The following SRGAP2C variants were observed in gnomAD, a reference collection of about 807,000 sequenced individuals.
SRGAP2C encodes SLIT-ROBO Rho GTPase-activating protein 2C.
SRGAP2C carries 15 observed loss-of-function variants against 25.1 expected under a neutral mutation model. That is an observed-to-expected ratio of 0.60 (90% CI 0.40 to 0.92). The LOEUF (loss-of-function observed/expected upper bound fraction) is 0.92, where lower values mean the gene tolerates loss of function less well. SRGAP2C is among the 40% of genes least tolerant of loss of function. The pLI is 0.00. For missense variants in SRGAP2C, 144 were observed against 264.4 expected (o/e 0.54, Z 3.16); for synonymous variants, 44 against 96.6 (o/e 0.46, Z 3.19).
chr1:121,218,772 ACACGTATT>A (rs1553325205), intron 2 of SRGAP2C, among the ~76,000 whole-genome samples: 1 of 152,102 alleles, frequency 6.6e-6, no homozygotes, highest in East Asian at 1.9e-4. Flanking sequence ...AAGTGAATGT[ACACGTATT>A]CACAAATCTT....
chr1:121,217,295 CAATTT>C lies in SRGAP2C; in HGVS notation c.67+29788_67+29792del, dbSNP rs1342012780. On this transcript the variant is annotated intron_variant, in intron 2 of 9. Transcript: ENST00000367123. ...CATTTGGGTACCATTCTGTAGGAAT[CAATTT>C]AATTTTCAGGGGAAAAAAAGTGTTC... Among the ~76,000 whole-genome samples the C allele has an allele frequency of 2.1e-5, 3 of 140,826 alleles. No homozygotes were observed. In the East Asian group the frequency reaches 6.3e-4, roughly 29 times the overall value. 92.4% of individuals were successfully genotyped at this position (140,826 alleles called of 152,430 possible). A position where few individuals can be genotyped will look rare whatever the true frequency, so the allele number is the denominator to read the frequency against.
chr1:121,384,751 G>A (rs587685029), intron 8 of SRGAP2C, among the ~76,000 whole-genome samples: 124 of 150,602 alleles, frequency 8.2e-4, no homozygotes, highest in Admixed American at 1.9e-3. Context: ...CCCTGTCAGA[G>A]CCTTATTTCC....
chr1:121,258,551 T>C (rs1341996704), intron 2 of SRGAP2C, among the ~76,000 whole-genome samples: 1 of 151,208 alleles, frequency 6.6e-6, no homozygotes, highest in African/African-American at 2.4e-5. Flanking sequence ...CGGCAACCTC[T>C]GCCTCCTGGG....
At chr1:121,339,044 A>G (rs1658585138) in intron 4 of SRGAP2C, among the ~76,000 whole-genome samples, 1 of 151,832 alleles carries the variant, frequency 6.6e-6, no homozygotes, top group South Asian at 2.1e-4. Context: ...ATTTCCTTCC[A>G]ATCTTTTTTA....
chr1:121,303,570 GC>G (rs1657746944), intron 3 of SRGAP2C, among the ~76,000 whole-genome samples: 3 of 150,116 alleles, frequency 2.0e-5, no homozygotes, highest in Admixed American at 2.0e-4. Context: ...GTATTTAGAA[GC>G]CATGGATGCT....
chr1:121,289,477 C>G (rs1553337366), intron 3 of SRGAP2C, among the ~76,000 whole-genome samples: 65 of 147,812 alleles, frequency 4.4e-4, no homozygotes, highest in African/African-American at 1.5e-3. Flanking sequence ...GGTTCCCGCT[C>G]GTGCCTCTCC....
intron 2 of SRGAP2C, among the ~76,000 whole-genome samples, chr1:121,188,420 G>A (rs1446037961): frequency 6.6e-6 from 1 of 150,620 alleles, no homozygotes; most frequent in Non-Finnish European, 1.5e-5. Flanking sequence ...CCATAGGAAG[G>A]GTTCCTGCCT....
chr1:121,270,460 C>T (rs1344614131), intron 2 of SRGAP2C, among the ~76,000 whole-genome samples: 7 of 121,760 alleles, frequency 5.7e-5, no homozygotes, highest in South Asian at 5.6e-4. Flanking sequence ...ATATTATGGG[C>T]CTTTTCTATT....
intron 2 of SRGAP2C, among the ~76,000 whole-genome samples, chr1:121,221,710 CAAAA>C (rs782207301): frequency 9.2e-5 from 2 of 21,630 alleles, no homozygotes; most frequent in African/African-American, 2.7e-4. Flanking sequence ...GACAACGTCT[CAAAA>C]AAAAAAAAAA....
intron 2 of SRGAP2C, among the ~76,000 whole-genome samples, chr1:121,206,498 T>C (rs1353811360): frequency 6.6e-6 from 1 of 152,040 alleles, no homozygotes; most frequent in African/African-American, 2.4e-5. Flanking sequence ...TGAAGAGTGA[T>C]GAAGTGTGAT....
chr1:121,367,873 G>C (rs1207575905), intron 5 of SRGAP2C, among the ~76,000 whole-genome samples: 8 of 142,572 alleles, frequency 5.6e-5, no homozygotes, highest in Non-Finnish European at 9.1e-5. Context: ...AGGAGATCGA[G>C]ACCATCCTGG....
intron 2 of SRGAP2C, among the ~76,000 whole-genome samples, chr1:121,207,261 A>G (rs587750210): frequency 6.6e-6 from 1 of 152,326 alleles, no homozygotes; most frequent in East Asian, 1.9e-4. Flanking sequence ...GCAGGAATTA[A>G]TAGCATTTTC....
chr1:121,335,383 TAAATAAAA>T (rs1326299843), intron 4 of SRGAP2C, among the ~76,000 whole-genome samples: 9 of 131,910 alleles, frequency 6.8e-5, no homozygotes, highest in Non-Finnish European at 1.3e-4. Context: ...AATAAATAAA[TAAATAAAA>T]CAACCAATTC....
chr1:121,303,543 G>T (rs1314225721), intron 3 of SRGAP2C, among the ~76,000 whole-genome samples: 1 of 150,894 alleles, frequency 6.6e-6, no homozygotes. Context: ...AGCCTCGGTT[G>T]CTTTTAGTGG....
Position 121,193,667 on chromosome 1 carries a change from C to CTTTT in SRGAP2C, c.67+6172_67+6175dup, listed in dbSNP as rs60707143. 1.8e-3 allele frequency among the ~76,000 whole-genome samples: 36 copies of CTTTT among 19,712 alleles called. 4 individuals are homozygous for CTTTT. Among genetic ancestry groups the CTTTT allele is most frequent in the South Asian group, 2.6e-3 (2 of 776 alleles). 12.9% of individuals were successfully genotyped at this position (19,712 alleles called of 152,430 possible). ...GTGTAACATAGGGGTGTTCTTTTTT[C>CTTTT]TTTTTTTTTTTTTTTTTTTTTCAGA... On this transcript the variant is annotated intron_variant, in intron 2 of 9. Coordinates refer to ENST00000367123, the MANE Select transcript of SRGAP2C (RefSeq NM_001329984.2).
chr1:121,329,245 T>C (rs1391180985), intron 4 of SRGAP2C, among the ~76,000 whole-genome samples: 22 of 152,006 alleles, frequency 1.4e-4, no homozygotes, highest in African/African-American at 5.1e-4. Context: ...TTAAGAAAAA[T>C]GAAATGAAGC....
intron 3 of SRGAP2C, among the ~76,000 whole-genome samples, chr1:121,294,787 A>C (rs1657562803): frequency 7.0e-6 from 1 of 142,612 alleles, no homozygotes. Flanking sequence ...ACCCACTGTC[A>C]GTATCTTTTC....
At chr1:121,286,455 G>A (rs1368077846) in intron 3 of SRGAP2C, among the ~76,000 whole-genome samples, 15 of 151,468 alleles carry the variant, frequency 9.9e-5, no homozygotes, top group Non-Finnish European at 4.4e-5. Flanking sequence ...ACAGGGTTTC[G>A]CTATGTTGCC....
At chr1:121,255,433 AT>A (rs782625606) in intron 2 of SRGAP2C, among the ~76,000 whole-genome samples, 55 of 148,598 alleles carry the variant, frequency 3.7e-4, no homozygotes, top group Middle Eastern at 3.4e-3. Context: ...AATTTCTTGG[AT>A]TTTTTTTTTC....
Sources: allele counts gnomAD v4.1 joint callset (sites outside exome capture counted in the v4.1 genomes callset), GRCh38; gene constraint gnomAD v4.1.1; transcripts MANE v1.5; gene names NCBI Gene and HGNC (gene_info 2026-07-23, HGNC 2026-07-21).